The following CLEC16A variants were observed in gnomAD, a reference collection of about 807,000 sequenced individuals.
CLEC16A encodes the protein C-type lectin domain containing 16A.
A neutral mutation model predicts 109.5 loss-of-function variants in CLEC16A; 51 were observed. That is an observed-to-expected ratio of 0.47 (90% CI 0.37 to 0.59). CLEC16A has a LOEUF of 0.59. CLEC16A is among the 20% of genes least tolerant of loss of function. The probability of loss-of-function intolerance (pLI) is 0.00; values close to 1 mark genes in which losing one functional copy is unlikely to be tolerated. For synonymous variants in CLEC16A, 673 were observed against 564.2 expected (o/e 1.19, Z -2.73); for missense variants, 1,339 against 1,394.0 (o/e 0.96, Z 0.63).
chr16:10,952,046 T>G (rs770884697), intron 1 of CLEC16A, among the ~76,000 whole-genome samples: 21 of 152,230 alleles, frequency 1.4e-4, no homozygotes, highest in Non-Finnish European at 2.9e-4. Flanking sequence ...TGACCTCAAC[T>G]ATGTAAATAT....
chr16:11,077,974 TG>T, intron 19 of CLEC16A, among the ~76,000 whole-genome samples: 1 of 136,642 alleles, frequency 7.3e-6, no homozygotes, highest in Non-Finnish European at 1.6e-5. Flanking sequence ...CGTGTGTGTG[TG>T]TGTGTGTGTG....
Position 11,051,541 on chromosome 16 carries a change from T to C in CLEC16A, c.1895T>C (p.Met632Thr). ...TMKPMNVEYL[M>T]MDASILLPPT... is the part of the protein sequence containing the mutation. ...AAGCCCATGAACGTGGAATATCTCA[T>C]GATGGACGCCTCCATCCTGCTGCCC... Residue 632 changes from methionine (M) to threonine (T), a missense_variant, in exon 18 of 24, where the codon ATG becomes ACG. Coordinates refer to ENST00000409790, the MANE Select transcript of CLEC16A (RefSeq NM_015226.3). 1 of 1,614,004 alleles carries C rather than the reference T, an allele frequency of 6.2e-7. No individual in the cohort carries two copies. The highest frequency in any genetic ancestry group is 2.2e-5 in the East Asian group (1 of 44,882).
intron 1 of CLEC16A, among the ~76,000 whole-genome samples, chr16:10,946,024 A>C (rs2041347563): frequency 6.6e-6 from 1 of 152,102 alleles, no homozygotes; most frequent in African/African-American, 2.4e-5. Context: ...CATGCAGGCC[A>C]GGACCCAGGA....
intron 19 of CLEC16A, among the ~76,000 whole-genome samples, chr16:11,119,659 T>A (rs2052257391): frequency 6.6e-6 from 1 of 152,206 alleles, no homozygotes. Context: ...CCCAAAGTGC[T>A]GGAATTACAG....
intron 22 of CLEC16A, among the ~76,000 whole-genome samples, chr16:11,152,471 C>T (rs1019754442): frequency 2.0e-5 from 3 of 152,182 alleles, no homozygotes; most frequent in African/African-American, 4.8e-5. Flanking sequence ...TGAGGAATGA[C>T]GGGGGGCCCA....
intron 11 of CLEC16A, among the ~76,000 whole-genome samples, chr16:11,008,915 C>T (rs530558980): frequency 6.6e-5 from 10 of 151,412 alleles, no homozygotes; most frequent in African/African-American, 9.7e-5. Flanking sequence ...AGGAGAATGG[C>T]GTGAACCCGG....
At chr16:10,951,385 T>A (rs1346882889) in intron 1 of CLEC16A, among the ~76,000 whole-genome samples, 2 of 145,980 alleles carry the variant, frequency 1.4e-5, no homozygotes, top group African/African-American at 4.9e-5. Context: ...ATCTATTTGG[T>A]GTTTTTTTAA....
At chr16:11,156,391 A>G (rs1039487454) in intron 22 of CLEC16A, among the ~76,000 whole-genome samples, 1 of 148,606 alleles carries the variant, frequency 6.7e-6, no homozygotes, top group Non-Finnish European at 1.5e-5. Flanking sequence ...AAAAAAACAC[A>G]ACTAATCTGC....
intron 13 of CLEC16A, among the ~76,000 whole-genome samples, chr16:11,035,679 A>G (rs1164472711): frequency 3.3e-5 from 5 of 152,228 alleles, no homozygotes; most frequent in Admixed American, 2.6e-4. Flanking sequence ...TCTACGTCAT[A>G]TGCCTGGCTG....
rs201433991 is a variant in CLEC16A at position 11,051,640 on chromosome 16, G to A, written c.1994G>A (p.Arg665Gln). 1.8e-5 allele frequency: 29 copies of A among 1,613,756 alleles called. 1 individual carries two copies. The highest frequency in any genetic ancestry group is 1.3e-4 in the South Asian group (12 of 91,078). Residue 665 changes from arginine (R) to glutamine (Q), a missense_variant and splice_region_variant, in exon 18 of 24, where the codon CGG becomes CAG. Arg to Gln is a conservative substitution (Grantham distance 43, BLOSUM62 1). Around this residue, in one of 3 missense-constraint regions of CLEC16A, gnomAD observed 1,061 missense variants for 1,006.8 expected, o/e 1.05. Transcript: ENST00000409790. ...TGTGGCGATGTGGAGAAGACCCGGC[G>A]GGTGAGTGAGCACAGGACCTGTCAT... is the stretch of plus-strand genomic sequence containing the variant. ...LPCGDVEKTR[R>Q]AIRVFFMLRS...
At position 11,020,763 on chromosome 16, in the gene CLEC16A, G is replaced by C. The variant is rs140600881; in HGVS notation, c.1436+438G>C. Among the ~76,000 whole-genome samples, 1,233 of 152,330 alleles carry C rather than the reference G, an allele frequency of 8.1e-3. 22 individuals are homozygous for C. The highest frequency in any genetic ancestry group is 0.028 in the African/African-American group (1,180 of 41,570). The stretch of plus-strand genomic sequence containing the variant: ...CTATAGGGCCTGCCCTCTTGACTTG[G>C]CCACATGAGTTGGTGCTGCCATCCA... On this transcript the variant is annotated intron_variant, in intron 12 of 23. Coordinates refer to ENST00000409790, the MANE Select transcript of CLEC16A (RefSeq NM_015226.3).
chr16:11,178,939 A>C lies in CLEC16A; in HGVS notation c.*249A>C. 1 of 438,206 alleles carries C rather than the reference A, an allele frequency of 2.3e-6. No individual in the cohort carries two copies. Among genetic ancestry groups the C allele is most frequent in the Non-Finnish European group, 4.0e-6 (1 of 249,086 alleles). The allele number at this position is 438,206 out of a possible 1,614,324, so 27.1% of individuals were successfully genotyped here. On this transcript the variant is annotated 3_prime_UTR_variant, in exon 24 of 24. Transcript: ENST00000409790. This position sits in a 1 kb window ranked among gnomAD's most constrained non-coding sequence, Gnocchi z 6.5. ...CACCGCGGCGAATGCAGATGACTGCACCGGCCACTCAGGGAGCTGCCTGGG... is the reference window on the plus strand; with the variant it reads ...CACCGCGGCGAATGCAGATGACTGCCCCGGCCACTCAGGGAGCTGCCTGGG...
intron 19 of CLEC16A, among the ~76,000 whole-genome samples, chr16:11,077,964 CGTGTGTGTGTGTGTGTGTGTGT>C (rs34576806): frequency 2.1e-4 from 28 of 135,622 alleles, no homozygotes; most frequent in South Asian, 5.2e-4. Flanking sequence ...CAAAAAAAAA[CGTGTGTGTGTGTGTGTGTGTGT>C]GTGTGTGTGT....
chr16:11,090,811 AT>A (rs71136616), intron 19 of CLEC16A, among the ~76,000 whole-genome samples: 21,901 of 80,664 alleles, frequency 0.27, 1,859 homozygotes, highest in Middle Eastern at 0.33. Flanking sequence ...TACCCAGCTA[AT>A]TTTTTTTTTT....
At chr16:10,952,030 G>A (rs1032657068) in intron 1 of CLEC16A, among the ~76,000 whole-genome samples, 3 of 152,152 alleles carry the variant, frequency 2.0e-5, no homozygotes, top group African/African-American at 7.2e-5. Context: ...AATGGATAAT[G>A]CAACATGACC....
At chr16:10,948,950 C>A (rs961739943) in intron 1 of CLEC16A, among the ~76,000 whole-genome samples, 11 of 152,184 alleles carry the variant, frequency 7.2e-5, no homozygotes, top group Admixed American at 6.5e-4. Context: ...CCTGGACCAG[C>A]AAGGTCTCAT....
chr16:11,013,177 G>A (rs769587713), intron 11 of CLEC16A, among the ~76,000 whole-genome samples: 7 of 152,244 alleles, frequency 4.6e-5, no homozygotes, highest in Non-Finnish European at 1.0e-4. Flanking sequence ...CTGGGAATCA[G>A]TTTTTTTCTT....
intron 11 of CLEC16A, among the ~76,000 whole-genome samples, chr16:11,004,065 G>A (rs1289397554): frequency 6.6e-6 from 1 of 151,752 alleles, no homozygotes; most frequent in African/African-American, 2.4e-5. Context: ...TTTAAGTCCT[G>A]TCTGTTTAGA....
Position 11,132,560 on chromosome 16 carries a change from GT to G in CLEC16A, c.2641+6416del, listed in dbSNP as rs2053287311. 2.0e-5 allele frequency among the ~76,000 whole-genome samples: 3 copies of G among 152,246 alleles called. No homozygotes were observed. The South Asian group carries it at 6.2e-4, about 32-fold the overall frequency. On this transcript the variant is annotated intron_variant, in intron 22 of 23. Transcript: ENST00000409790. ...TGTTTGAACGCCTGTTTTGTTTTCAGTTATTTCTGGTATATACCTAGGAGTA... is the reference window on the plus strand; with the variant it reads ...TGTTTGAACGCCTGTTTTGTTTTCAGTATTTCTGGTATATACCTAGGAGTA...
Sources: gnomAD v4.1 joint callset for allele counts (sites outside exome capture counted in the v4.1 genomes callset) on GRCh38, gnomAD v4.1.1 for gene constraint, gnomAD v4.1.1 regional missense constraint, Gnocchi (gnomAD v3.1) non-coding constraint, MANE v1.5 for transcripts, NCBI Gene and HGNC (gene_info 2026-07-23, HGNC 2026-07-21) for gene names.